Variants in FRMD4A observed in about 807,000 individuals in gnomAD.
FRMD4A encodes FERM domain containing 4A.
Under a neutral mutation model 129.1 loss-of-function variants are expected in FRMD4A, and 29 were observed. The observed-to-expected ratio is 0.22, with a 90% CI of 0.17 to 0.31. FRMD4A has a LOEUF of 0.31. Among genes scored for constraint, FRMD4A ranks in the 10% least tolerant of loss-of-function variants. The pLI is 1.00. For synonymous variants in FRMD4A, 634 were observed against 571.6 expected (o/e 1.11, Z -1.56); for missense variants, 1,272 against 1,375.8 (o/e 0.92, Z 1.19).
intron 2 of FRMD4A, among the ~76,000 whole-genome samples, chr10:14,089,948 T>A (rs1213978699): frequency 1.3e-5 from 2 of 152,210 alleles, no homozygotes; most frequent in Admixed American, 1.3e-4. Context: ...ATAAAATAGA[T>A]CTTGCTCTAC....
At chr10:14,235,147 CCTAAG>C (rs1415590519) in intron 2 of FRMD4A, among the ~76,000 whole-genome samples, 3 of 70,044 alleles carry the variant, frequency 4.3e-5, no homozygotes, top group Non-Finnish European at 1.0e-4. Context: ...TTATAGGTAA[CCTAAG>C]CTGTCTTTTT....
chr10:13,941,698 C>G (rs1307916957), intron 2 of FRMD4A, among the ~76,000 whole-genome samples: 2 of 152,202 alleles, frequency 1.3e-5, no homozygotes, highest in Non-Finnish European at 2.9e-5. Context: ...TGACTGTACA[C>G]CTATCATTTC....
At chr10:13,934,161 A>G (rs1365728833) in intron 2 of FRMD4A, among the ~76,000 whole-genome samples, 3 of 152,266 alleles carry the variant, frequency 2.0e-5, no homozygotes, top group Non-Finnish European at 4.4e-5. Flanking sequence ...TGAGGAACAT[A>G]GAAGGAGCCT....
chr10:14,083,806 G>C (rs1208104856), intron 2 of FRMD4A: 1 of 152,180 alleles, frequency 6.6e-6, no homozygotes, highest in Non-Finnish European at 1.5e-5. Flanking sequence ...CTTGGAATGA[G>C]CATCATCCTG....
At chr10:14,219,676 C>T (rs1328966850) in intron 2 of FRMD4A, among the ~76,000 whole-genome samples, 2 of 152,148 alleles carry the variant, frequency 1.3e-5, no homozygotes, top group East Asian at 1.9e-4. Flanking sequence ...TACACAGAGA[C>T]AGCTAAGCCC....
chr10:13,653,958 C>G (rs2081911895), intron 23 of FRMD4A: 1 of 214,618 alleles, frequency 4.7e-6, no homozygotes, highest in South Asian at 1.4e-4. Context: ...AGTGCTTGGC[C>G]AGGACACAGC....
chr10:14,312,175 C>A (rs919383789), intron 2 of FRMD4A, among the ~76,000 whole-genome samples: 2 of 152,114 alleles, frequency 1.3e-5, no homozygotes, highest in African/African-American at 2.4e-5. Flanking sequence ...TCTTGGGATA[C>A]AAAATTAAAA....
At chr10:14,221,317 A>G (rs1843252380) in intron 2 of FRMD4A, among the ~76,000 whole-genome samples, 2 of 152,132 alleles carry the variant, frequency 1.3e-5, no homozygotes, top group African/African-American at 4.8e-5. Flanking sequence ...TGGAGGGTAG[A>G]GAGGCTTTGG....
At chr10:14,206,074 G>T (rs546972949) in intron 2 of FRMD4A, among the ~76,000 whole-genome samples, 13 of 152,292 alleles carry the variant, frequency 8.5e-5, no homozygotes, top group African/African-American at 2.9e-4. Context: ...TCAGTGACCA[G>T]TCTGCCTCAC....
chr10:14,091,278 G>A (rs1432624269), intron 2 of FRMD4A, among the ~76,000 whole-genome samples: 1 of 151,532 alleles, frequency 6.6e-6, no homozygotes. Context: ...TCTCTCACAT[G>A]GCATTAAAAA....
intron 15 of FRMD4A, chr10:13,684,999 A>G (rs1455855949): frequency 1.0e-6 from 1 of 983,714 alleles, no homozygotes; most frequent in Non-Finnish European, 1.2e-6. Context: ...TATGATAAAA[A>G]GATATTTATT....
At chr10:14,075,386 T>C (rs1426076989) in intron 2 of FRMD4A, among the ~76,000 whole-genome samples, 1 of 152,176 alleles carries the variant, frequency 6.6e-6, no homozygotes, top group African/African-American at 2.4e-5. Context: ...ATGATGTGTG[T>C]GTGGTTTATT....
At chr10:14,020,502 T>A (rs907578980) in intron 2 of FRMD4A, among the ~76,000 whole-genome samples, 3 of 152,166 alleles carry the variant, frequency 2.0e-5, no homozygotes, top group African/African-American at 4.8e-5. Flanking sequence ...CCCACTCATA[T>A]GAGAAAGGCT....
chr10:14,253,531 G>A (rs919631452), intron 2 of FRMD4A, among the ~76,000 whole-genome samples: 2 of 152,102 alleles, frequency 1.3e-5, no homozygotes, highest in East Asian at 1.9e-4. Context: ...TGGACAGATC[G>A]TTATAGCTTT....
chr10:14,083,224 A>G (rs1253169532), intron 2 of FRMD4A: 1 of 152,270 alleles, frequency 6.6e-6, no homozygotes, highest in Non-Finnish European at 1.5e-5. Context: ...GACAGCTGAC[A>G]TGTTTGAGCT....
intron 2 of FRMD4A, among the ~76,000 whole-genome samples, chr10:13,884,184 A>ACT (rs780160804): frequency 2.0e-4 from 16 of 79,588 alleles, no homozygotes; most frequent in African/African-American, 5.6e-4. Flanking sequence ...ACTCACACAC[A>ACT]CACACACACA....
Position 14,060,516 on chromosome 10 carries a change from C to T in FRMD4A, c.46-201604G>A, listed in dbSNP as rs570901080. Among the ~76,000 whole-genome samples, 6 of 152,270 alleles carry T rather than the reference C, an allele frequency of 3.9e-5. No homozygotes were observed. The South Asian group carries it at 6.2e-4, about 16-fold the overall frequency. On this transcript the variant is annotated intron_variant, in intron 2 of 24. Coordinates refer to ENST00000357447, the MANE Select transcript of FRMD4A (RefSeq NM_018027.5). ...GGAAGCCAGCCAGGCACTCTTGCTT[C>T]GAAGCCTGCCCTCTTCAGTAGAAGG...
At chr10:13,936,808 G>A (rs2095252659) in intron 2 of FRMD4A, among the ~76,000 whole-genome samples, 1 of 152,166 alleles carries the variant, frequency 6.6e-6, no homozygotes, top group Admixed American at 6.5e-5. Context: ...GTTGCTTTGT[G>A]TCTCAGAGAT....
intron 2 of FRMD4A, among the ~76,000 whole-genome samples, chr10:13,881,793 G>T (rs971922277): frequency 6.6e-6 from 1 of 151,660 alleles, no homozygotes; most frequent in Non-Finnish European, 1.5e-5. Flanking sequence ...CTTCCAGCAC[G>T]CATGCTTCTG....
Sources: allele counts gnomAD v4.1 joint callset (sites outside exome capture counted in the v4.1 genomes callset), GRCh38; gene constraint gnomAD v4.1.1; transcripts MANE v1.5; gene names NCBI Gene and HGNC (gene_info 2026-07-23, HGNC 2026-07-21).